Variants in BNC2 observed in about 807,000 individuals in gnomAD.
BNC2 encodes the protein zinc finger protein basonuclin-2.
BNC2 carries 20 observed loss-of-function variants against 76.3 expected under a neutral mutation model. That is an observed-to-expected ratio of 0.26 (90% CI 0.18 to 0.38). BNC2 has a LOEUF of 0.38. Ranked by LOEUF, BNC2 falls within the 10% of genes least tolerant of loss-of-function variation. The pLI is 1.00. For missense variants in BNC2, 1,382 were observed against 1,399.8 expected (o/e 0.99, Z 0.20); for synonymous variants, 582 against 514.8 (o/e 1.13, Z -1.77).
intron 1 of BNC2, among the ~76,000 whole-genome samples, chr9:16,848,272 C>G (rs1819038083): frequency 6.6e-6 from 1 of 152,158 alleles, no homozygotes; most frequent in South Asian, 2.1e-4. Flanking sequence ...TCTCCCAAGT[C>G]AATCTACAAA....
chr9:16,773,440 A>G (rs1825880607), intron 1 of BNC2, among the ~76,000 whole-genome samples: 1 of 151,734 alleles, frequency 6.6e-6, no homozygotes, highest in East Asian at 1.9e-4. Flanking sequence ...CAGCGTCACA[A>G]GGTTTTCTCG....
intron 5 of BNC2, among the ~76,000 whole-genome samples, chr9:16,517,227 G>A (rs1362422255): frequency 6.6e-6 from 1 of 152,148 alleles, no homozygotes; most frequent in Admixed American, 6.5e-5. Context: ...GGGCAACTTG[G>A]CTGGGCTCAC....
intron 3 of BNC2, among the ~76,000 whole-genome samples, chr9:16,587,372 T>G (rs1439430610): frequency 1.3e-5 from 2 of 152,024 alleles, no homozygotes; most frequent in African/African-American, 2.4e-5. Flanking sequence ...CACCATCACG[T>G]TGAGCTAAGA....
chr9:16,658,829 C>CA (rs1554699825), intron 3 of BNC2, among the ~76,000 whole-genome samples: 6 of 152,078 alleles, frequency 3.9e-5, no homozygotes, highest in Non-Finnish European at 8.8e-5. Context: ...TATGCCCACA[C>CA]CCCCCACCCA....
At chr9:16,526,982 GA>G (rs1436057769) in intron 5 of BNC2, among the ~76,000 whole-genome samples, 7 of 152,206 alleles carry the variant, frequency 4.6e-5, no homozygotes, top group Admixed American at 1.3e-4. Flanking sequence ...GCAGTTTCCT[GA>G]AAAAGTGATG....
At chr9:16,774,936 T>G (rs962248730) in intron 1 of BNC2, among the ~76,000 whole-genome samples, 2 of 152,222 alleles carry the variant, frequency 1.3e-5, no homozygotes, top group African/African-American at 4.8e-5. Context: ...GTTTTTGCTT[T>G]TACTAAAATA....
At chr9:16,779,130 A>AAAAAG (rs1554729006) in intron 1 of BNC2, among the ~76,000 whole-genome samples, 1,296 of 87,484 alleles carry the variant, frequency 0.015, 117 homozygotes, top group Middle Eastern at 0.078. Context: ...AAAAAAAAAA[A>AAAAAG]AAAAGAAAAG....
At chr9:16,733,158 A>AAAG (rs1176534602) in intron 2 of BNC2, among the ~76,000 whole-genome samples, 1 of 152,224 alleles carries the variant, frequency 6.6e-6, no homozygotes, top group Non-Finnish European at 1.5e-5. Flanking sequence ...TCTTGAGAAC[A>AAAG]AAGTATGGGA....
chr9:16,536,010 G>A lies in BNC2; in HGVS notation c.669+16520C>T, dbSNP rs185146966. On this transcript the variant is annotated intron_variant, in intron 5 of 6. Coordinates refer to ENST00000380672, the MANE Select transcript of BNC2 (RefSeq NM_017637.6). ...ACCTAATAGCCAGATATGTAAATGGGCCATCCTAGACCAACCAACCCCAGG... is the reference window on the plus strand; with the variant it reads ...ACCTAATAGCCAGATATGTAAATGGACCATCCTAGACCAACCAACCCCAGG... 2.4e-3 allele frequency among the ~76,000 whole-genome samples: 367 copies of A among 152,072 alleles called. 1 individual carries two copies. The highest frequency in any genetic ancestry group is 5.7e-3 in the African/African-American group (237 of 41,494).
At chr9:16,542,353 C>T (rs1005166046) in intron 5 of BNC2, among the ~76,000 whole-genome samples, 30 of 151,654 alleles carry the variant, frequency 2.0e-4, no homozygotes, top group African/African-American at 6.5e-4. Context: ...TCAAGTCTAC[C>T]TTGACTGAAA....
rs1414916557 is a variant in BNC2, at chr9:16,411,399, ATTCT to A, written c.*7586_*7589del. 1 of 152,590 alleles carries A rather than the reference ATTCT, an allele frequency of 6.6e-6. No homozygotes were observed. Among genetic ancestry groups the A allele is most frequent in the Non-Finnish European group, 1.5e-5 (1 of 68,046 alleles). 9.5% of individuals were successfully genotyped at this position (152,590 alleles called of 1,614,324 possible). A position where few individuals can be genotyped will look rare whatever the true frequency, so the allele number is the denominator to read the frequency against. ...TTTCTGCTCTTCCTTCCCTTCAAAG[ATTCT>A]TTTTTAAAAAAGTGAAACAAAGCAT... is the stretch of plus-strand genomic sequence containing the variant. On this transcript the variant is annotated 3_prime_UTR_variant, in exon 7 of 7. Coordinates refer to ENST00000380672, the MANE Select transcript of BNC2 (RefSeq NM_017637.6).
At chr9:16,755,873 G>GT (rs1250679600) in intron 1 of BNC2, among the ~76,000 whole-genome samples, 1 of 152,162 alleles carries the variant, frequency 6.6e-6, no homozygotes, top group Non-Finnish European at 1.5e-5. Context: ...TCTTAGGAGT[G>GT]TTTCCTTGGA....
chr9:16,724,732 A>AT (rs1824261177), intron 3 of BNC2, among the ~76,000 whole-genome samples: 1 of 152,142 alleles, frequency 6.6e-6, no homozygotes, highest in African/African-American at 2.4e-5. Flanking sequence ...AAAGACAAAG[A>AT]TTTTTGTATC....
chr9:16,845,239 G>C (rs1818940720), intron 1 of BNC2, among the ~76,000 whole-genome samples: 1 of 152,098 alleles, frequency 6.6e-6, no homozygotes, highest in African/African-American at 2.4e-5. Flanking sequence ...GCATTAATTT[G>C]ACTGACACCA....
At chr9:16,423,552 T>C (rs185257449) in intron 6 of BNC2, among the ~76,000 whole-genome samples, 3 of 152,346 alleles carry the variant, frequency 2.0e-5, no homozygotes, top group Admixed American at 1.3e-4. Context: ...TAGAATACTT[T>C]GCACAGAGGA....
chr9:16,609,407 C>A (rs1820476909), intron 3 of BNC2, among the ~76,000 whole-genome samples: 1 of 152,088 alleles, frequency 6.6e-6, no homozygotes, highest in Non-Finnish European at 1.5e-5. Flanking sequence ...TGGAGGTGAA[C>A]TGAGATAGGA....
intron 3 of BNC2, among the ~76,000 whole-genome samples, chr9:16,643,107 T>A (rs1243385112): frequency 6.6e-6 from 1 of 152,088 alleles, no homozygotes; most frequent in Middle Eastern, 3.2e-3. Context: ...ATCACAGACC[T>A]GTCTTTTCTA....
intron 3 of BNC2, among the ~76,000 whole-genome samples, chr9:16,677,953 T>C (rs910052924): frequency 6.6e-6 from 1 of 152,214 alleles, no homozygotes; most frequent in Non-Finnish European, 1.5e-5. Flanking sequence ...ATAAATCTTT[T>C]AACTAGTAGC....
At chr9:16,460,119 A>T (rs1214236424) in intron 5 of BNC2, among the ~76,000 whole-genome samples, 2 of 152,170 alleles carry the variant, frequency 1.3e-5, no homozygotes, top group African/African-American at 4.8e-5. Context: ...ACCAACTTTA[A>T]GTTATAATAT....
Sources: gnomAD v4.1 joint callset for allele counts (sites outside exome capture counted in the v4.1 genomes callset) on GRCh38, gnomAD v4.1.1 for gene constraint, MANE v1.5 for transcripts, NCBI Gene and HGNC (gene_info 2026-07-23, HGNC 2026-07-21) for gene names.